Variants in SLC30A8 observed in about 807,000 individuals in gnomAD.
The protein encoded by SLC30A8 is solute carrier family 30 member 8.
In SLC30A8, 27 loss-of-function variants were observed where a neutral mutation model predicts 36.9. The ratio of observed to expected loss-of-function variants is 0.73; its 90% CI spans 0.54 to 1.01. The LOEUF (loss-of-function observed/expected upper bound fraction) is 1.01, where lower values mean the gene tolerates loss of function less well. Among genes scored for constraint, SLC30A8 ranks in the 50% least tolerant of loss-of-function variants. The pLI, the probability that SLC30A8 is intolerant of heterozygous loss-of-function variation, is 0.00. For synonymous variants in SLC30A8, 164 were observed against 172.4 expected (o/e 0.95, Z 0.38); for missense variants, 439 against 452.0 (o/e 0.97, Z 0.26).
chr8:116,989,613 CATCTA>C (rs558955156), intron 1 of SLC30A8, among the ~76,000 whole-genome samples: 23 of 152,120 alleles, frequency 1.5e-4, no homozygotes, highest in Non-Finnish European at 2.9e-4. Context: ...AGACTATTGT[CATCTA>C]ATCCTGAAAG....
At chr8:117,124,026 C>G (rs1820796228) in intron 2 of SLC30A8, among the ~76,000 whole-genome samples, 1 of 150,462 alleles carries the variant, frequency 6.6e-6, no homozygotes, top group South Asian at 2.1e-4. Flanking sequence ...ATGATAGGCT[C>G]TTGACAGGAG....
Position 117,153,088 on chromosome 8 carries a change from C to A in SLC30A8, c.416C>A (p.Ala139Glu), listed in dbSNP as rs1241680394. The A allele has an allele frequency of 1.2e-6, 2 of 1,606,090 alleles. No homozygotes were observed. The highest frequency in any genetic ancestry group is 3.4e-5 in the Admixed American group (2 of 59,582). ...CGGCTGACATTTGGATGGCACCGAG[C>A]AGGTACGGTTCATAGAGTGAGCAAT... ...SKRLTFGWHR[A>E]EILGALLSIL... is the part of the protein sequence containing the mutation. Residue 139 changes from alanine (A) to glutamate (E), a missense_variant and splice_region_variant, in exon 3 of 8, where the codon GCA (alanine) becomes GAA (glutamate). Coordinates refer to ENST00000456015, the MANE Select transcript of SLC30A8 (RefSeq NM_173851.3).
upstream of SLC30A8, among the ~76,000 whole-genome samples, chr8:117,131,452 C>A (rs1484531707): frequency 6.6e-6 from 1 of 151,946 alleles, no homozygotes; most frequent in Non-Finnish European, 1.5e-5. Context: ...TGAATTGCCT[C>A]CCCTGTTGTG....
At chr8:116,987,546 A>G (rs1815490390) in intron 1 of SLC30A8, among the ~76,000 whole-genome samples, 1 of 152,054 alleles carries the variant, frequency 6.6e-6, no homozygotes, top group Non-Finnish European at 1.5e-5. Context: ...TCTTCTTTCA[A>G]GTCTTGAATA....
At chr8:117,136,149 A>G (rs918725621) in intron 1 of SLC30A8, among the ~76,000 whole-genome samples, 20 of 152,012 alleles carry the variant, frequency 1.3e-4, no homozygotes, top group Admixed American at 1.1e-3. Flanking sequence ...TTGGAATCAG[A>G]GGAAGCTTTC....
chr8:116,964,738 C>T (rs1016616610), intron 1 of SLC30A8, among the ~76,000 whole-genome samples: 5 of 152,166 alleles, frequency 3.3e-5, no homozygotes, highest in Admixed American at 1.3e-4. Context: ...TTCTAAATGG[C>T]CTGAGGTTAC....
intron 2 of SLC30A8, among the ~76,000 whole-genome samples, chr8:117,083,551 T>C (rs1184366529): frequency 6.6e-6 from 1 of 152,218 alleles, no homozygotes; most frequent in Non-Finnish European, 1.5e-5. Flanking sequence ...AATTGTCTGC[T>C]CAACCATTCT....
chr8:117,104,818 A>G (rs1232824202), intron 2 of SLC30A8, among the ~76,000 whole-genome samples: 1 of 152,162 alleles, frequency 6.6e-6, no homozygotes, highest in Non-Finnish European at 1.5e-5. Context: ...TATGCTAAAC[A>G]ATGTGTGGAC....
chr8:116,958,356 A>G (rs1160635001), intron 1 of SLC30A8, among the ~76,000 whole-genome samples: 1 of 149,666 alleles, frequency 6.7e-6, no homozygotes, highest in Admixed American at 6.6e-5. Flanking sequence ...TTTTTTTTGT[A>G]GTGCAGGTAA....
chr8:116,971,825 A>T (rs561530659), intron 1 of SLC30A8, among the ~76,000 whole-genome samples: 1 of 152,218 alleles, frequency 6.6e-6, no homozygotes, highest in African/African-American at 2.4e-5. Context: ...CGTCATAATG[A>T]TAGAGGTTCT....
At chr8:116,978,904 T>C (rs1241743535) in intron 1 of SLC30A8, among the ~76,000 whole-genome samples, 1 of 152,028 alleles carries the variant, frequency 6.6e-6, no homozygotes, top group East Asian at 1.9e-4. Context: ...TGTGAAGGGC[T>C]GTATCTTTTT....
chr8:117,049,507 A>G (rs74577837), intron 2 of SLC30A8, among the ~76,000 whole-genome samples: 2 of 152,204 alleles, frequency 1.3e-5, no homozygotes, highest in Non-Finnish European at 2.9e-5. Context: ...CCCAGCTGCA[A>G]TCATTGCAAT....
At chr8:117,113,197 T>C (rs1349954604) in intron 2 of SLC30A8, among the ~76,000 whole-genome samples, 1 of 152,164 alleles carries the variant, frequency 6.6e-6, no homozygotes. Flanking sequence ...CTAGGCAATT[T>C]GTATGCACAT....
At chr8:116,997,643 G>C (rs1389912005) in intron 1 of SLC30A8, among the ~76,000 whole-genome samples, 2 of 152,112 alleles carry the variant, frequency 1.3e-5, no homozygotes, top group African/African-American at 2.4e-5. Context: ...ATTTTAGTCA[G>C]GGTACATAGC....
intron 1 of SLC30A8, among the ~76,000 whole-genome samples, chr8:116,956,572 G>A (rs1198017915): frequency 6.6e-6 from 1 of 152,052 alleles, no homozygotes; most frequent in Admixed American, 6.6e-5. Context: ...TTAAAAGCAT[G>A]TTAAAAAAAC....
rs944124624 is a variant in SLC30A8 at position 117,028,173 on chromosome 8, C to T, written c.-265-11046C>T. On this transcript the variant is annotated intron_variant, in intron 1 of 10. Coordinates refer to the SLC30A8 transcript ENST00000427715. ...CTGTTTTAAATGACATTGTGATTTC[C>T]TTGGAGGCAAAGATTTTTGTCTAAT... 2.0e-4 allele frequency among the ~76,000 whole-genome samples: 30 copies of T among 152,178 alleles called. No homozygotes were observed. The Middle Eastern group carries it at 0.01, about 52-fold the overall frequency.
At chr8:117,050,855 G>A (rs906566296) in intron 2 of SLC30A8, among the ~76,000 whole-genome samples, 1 of 152,218 alleles carries the variant, frequency 6.6e-6, no homozygotes, top group African/African-American at 2.4e-5. Flanking sequence ...GGAGTTCAGG[G>A]GTCACTGAGA....
At chr8:117,033,933 G>A (rs1817132517) in intron 1 of SLC30A8, among the ~76,000 whole-genome samples, 1 of 152,162 alleles carries the variant, frequency 6.6e-6, no homozygotes, top group Middle Eastern at 3.2e-3. Context: ...GCTAAAAAAG[G>A]CAACAAAATA....
chr8:117,162,259 A>G (rs1396609957), intron 5 of SLC30A8, among the ~76,000 whole-genome samples: 2 of 152,188 alleles, frequency 1.3e-5, no homozygotes, highest in African/African-American at 2.4e-5. Context: ...ACTGAAATAA[A>G]TGTGTCTCAA....
Sources: gnomAD v4.1 joint callset for allele counts (sites outside exome capture counted in the v4.1 genomes callset) on GRCh38, gnomAD v4.1.1 for gene constraint, MANE v1.5 for transcripts, NCBI Gene and HGNC (gene_info 2026-07-23, HGNC 2026-07-21) for gene names.